DAND5: variants seen among roughly 807,000 people sequenced by gnomAD.
DAND5 encodes DAN domain family member 5.
A neutral mutation model predicts 9.2 loss-of-function variants in DAND5; 8 were observed. The observed-to-expected ratio is 0.87, with a 90% CI of 0.51 to 1.56. The LOEUF is 1.56. Among genes scored for constraint, DAND5 ranks in the 40% most tolerant of loss-of-function variants. The pLI is 0.00. For synonymous variants in DAND5, 95 were observed against 101.1 expected, an observed-to-expected ratio of 0.94 and a Z score of 0.36; for missense variants, 244 against 244.7, an observed-to-expected ratio of 1.00 and a Z score of 0.02.
At chr19:12,972,903 C>G (rs2011152387) in intron 1 of DAND5, among the ~76,000 whole-genome samples, 2 of 144,724 alleles carry the variant, frequency 1.4e-5, no homozygotes, top group Admixed American at 1.4e-4. Flanking sequence ...TCGCTCTGTC[C>G]CCAGGCTGGA....
intron 1 of DAND5, 104 bp downstream of exon 1, chr19:12,970,088 C>G: frequency 7.4e-7 from 1 of 1,356,892 alleles, no homozygotes; most frequent in Non-Finnish European, 1.0e-6. Context: ...TATCCTCCAC[C>G]TGAATGTCTC....
Position 12,970,459 on chromosome 19 carries a change from G to A in DAND5, c.324+475G>A, listed in dbSNP as rs145670582. 4.1e-4 allele frequency: 289 copies of A among 701,786 alleles called. 1 individual carries two copies. The African/African-American group carries it at 4.4e-3, about 11-fold the overall frequency. The allele number at this position is 701,786 out of a possible 1,614,324, so 43.5% of individuals were successfully genotyped here. Reference sequence around the variant, plus strand: ...TCTTTCTGTTTTTTTAGACACGGGAGTCTCGCTATGTTGCCCAAGCTAGTC... The same window carrying A: ...TCTTTCTGTTTTTTTAGACACGGGAATCTCGCTATGTTGCCCAAGCTAGTC... On this transcript the variant is annotated intron_variant, in intron 1 of 1. Transcript: ENST00000317060.
At chr19:12,971,239 T>A (rs2011144217) in intron 1 of DAND5, among the ~76,000 whole-genome samples, 1 of 152,128 alleles carries the variant, frequency 6.6e-6, no homozygotes, top group African/African-American at 2.4e-5. Flanking sequence ...CATCATATCC[T>A]GCTTGGCTTT....
chr19:12,972,995 T>G (rs1470963057), intron 1 of DAND5, among the ~76,000 whole-genome samples: 2 of 151,260 alleles, frequency 1.3e-5, no homozygotes, highest in Admixed American at 6.6e-5. Context: ...CCCGAGTAGC[T>G]GGGACTACAG....
chr19:12,970,032 A>G, intron 1 of DAND5, 48 bp downstream of exon 1: 1 of 1,602,806 alleles, frequency 6.2e-7, no homozygotes, highest in African/African-American at 1.3e-5. Flanking sequence ...CACCATTGGC[A>G]GAAGGCACAG....
chr19:12,972,861 C>CT (rs1212086930), intron 1 of DAND5, among the ~76,000 whole-genome samples: 35,977 of 104,844 alleles, frequency 0.34, 7,229 homozygotes, highest in East Asian at 0.6. Context: ...AATTTCTTTT[C>CT]TTTTTTTTTT....
In DAND5 at chr19:12,973,078, G is replaced by A. The variant is rs559634781; in HGVS notation, c.325-311G>A. ...GGGGTTTCACCGTGTTGGCCAGGAT[G>A]GTCTCGATCTGCTGACCTCGTGATC... On this transcript the variant is annotated intron_variant, in intron 1 of 1. Transcript: ENST00000317060. Among the ~76,000 whole-genome samples the A allele has an allele frequency of 3.3e-4, 50 of 151,244 alleles. 2 individuals carry two copies. Among genetic ancestry groups the A allele is most frequent in the East Asian group, 2.0e-3 (10 of 5,082 alleles).
chr19:12,969,664 C>T lies in DAND5; in HGVS notation c.4C>T (p.Leu2Phe), dbSNP rs1236631888. The stretch of plus-strand genomic sequence containing the variant: ...AGACAGACGCACGGACAAGCAGATG[C>T]TCCTTGGCCAGCTATCCACTCTTCT... The part of the protein sequence containing the change: M[L>F]LGQLSTLLCL... The change falls in exon 1 of 2, where the codon CTC (leucine) becomes TTC (phenylalanine). Residue 2 changes from leucine (L) to phenylalanine (F), a missense_variant. Leu to Phe is a conservative substitution (Grantham distance 22, BLOSUM62 0). Transcript: ENST00000317060. 6.2e-7 allele frequency: 1 copy of T among 1,601,460 alleles called. No homozygotes were observed. The highest frequency in any genetic ancestry group is 1.3e-5 in the African/African-American group (1 of 74,532).
chr19:12,970,508 C>T, intron 1 of DAND5: 1 of 699,734 alleles, frequency 1.4e-6, no homozygotes, highest in Non-Finnish European at 2.6e-6. Context: ...CTCAAGCAAT[C>T]CTCCCACCTC....
At chr19:12,971,947 G>A (rs377717661) in intron 1 of DAND5, among the ~76,000 whole-genome samples, 3 of 152,008 alleles carry the variant, frequency 2.0e-5, no homozygotes, top group African/African-American at 7.2e-5. Context: ...CTGGAGTACA[G>A]TGGTGCGATC....
intron 1 of DAND5, 96 bp from the exon 2 acceptor site, chr19:12,973,293 G>A (rs1050692682): frequency 3.9e-6 from 6 of 1,521,982 alleles, no homozygotes; most frequent in Non-Finnish European, 5.3e-6. Context: ...CAGCATCCAT[G>A]CCTGTCAAGG....
Position 12,973,720 on chromosome 19 carries a change from T to C in DAND5, c.*86T>C. 6.4e-7 allele frequency: 1 copy of C among 1,551,344 alleles called. No individual in the cohort carries two copies. Among genetic ancestry groups the C allele is most frequent in the African/African-American group, 1.3e-5 (1 of 74,202 alleles). On this transcript the variant is annotated 3_prime_UTR_variant, in exon 2 of 2. Transcript: ENST00000317060. ...CCAAGAAAGACGTGGACCTGGATGA[T>C]GTACTCTGGGTCAAGAGACCAGGGA...
chr19:12,971,644 T>TA (rs1197670163), intron 1 of DAND5, among the ~76,000 whole-genome samples: 1 of 149,388 alleles, frequency 6.7e-6, no homozygotes, highest in Non-Finnish European at 1.5e-5. Flanking sequence ...TAGGCTGGAG[T>TA]ACAGTGGTGC....
chr19:12,973,366 C>T lies in DAND5; in HGVS notation c.325-23C>T, dbSNP rs73507303. The T allele has an allele frequency of 5.5e-3, 8,927 of 1,610,920 alleles. 409 individuals are homozygous for T. In the African/African-American group the frequency reaches 0.1, roughly 19 times the overall value. ...TGGCCCCAAACTCCGCCACCCTGAC[C>T]GTCTCCATGCCTCCGGCCCCAGGTG... On this transcript the variant is annotated intron_variant, in intron 1 of 1. Transcript: ENST00000317060.
At chr19:12,971,898 G>GT (rs2011147188) in intron 1 of DAND5, among the ~76,000 whole-genome samples, 1 of 150,980 alleles carries the variant, frequency 6.6e-6, no homozygotes, top group African/African-American at 2.4e-5. Context: ...GCCTTTTCAT[G>GT]TTTTTTGTTA....
In DAND5 at chr19:12,973,804, C is replaced by A. The variant is rs566103594; in HGVS notation, c.*170C>A. On this transcript the variant is annotated 3_prime_UTR_variant, in exon 2 of 2. Transcript: ENST00000317060. ...CACCCTGCTCCCCAGACAGTAGACACAGTGCCCGTCCTGGAGTTGCACCAC... is the reference window on the plus strand; with the variant it reads ...CACCCTGCTCCCCAGACAGTAGACAAAGTGCCCGTCCTGGAGTTGCACCAC... 1.7e-4 allele frequency: 155 copies of A among 895,168 alleles called. No homozygotes were observed. Among genetic ancestry groups the A allele is most frequent in the Middle Eastern group, 7.0e-4 (2 of 2,848 alleles). The allele number at this position is 895,168 out of a possible 1,614,324, so 55.5% of individuals were successfully genotyped here.
Position 12,973,696 on chromosome 19 carries a change from C to T in DAND5, c.*62C>T. The T allele has an allele frequency of 1.9e-6, 3 of 1,572,858 alleles. No homozygotes were observed. The highest frequency in any genetic ancestry group is 2.6e-6 in the Non-Finnish European group (3 of 1,159,496). On this transcript the variant is annotated 3_prime_UTR_variant, in exon 2 of 2. Coordinates refer to ENST00000317060, the MANE Select transcript of DAND5 (RefSeq NM_152654.3). ...CTTGGAGAAATGAGGGGAGATGGAC[C>T]AAGAAAGACGTGGACCTGGATGATG...
intron 1 of DAND5, among the ~76,000 whole-genome samples, chr19:12,972,867 T>TC (rs1470628086): frequency 3.4e-5 from 5 of 145,398 alleles, no homozygotes; most frequent in Non-Finnish European, 7.6e-5. Context: ...TTTTCTTTTT[T>TC]TTTTTTTTTT....
intron 1 of DAND5, chr19:12,970,338 C>T (rs932480893): frequency 7.8e-6 from 5 of 645,048 alleles, no homozygotes; most frequent in Admixed American, 6.9e-5. Context: ...TCTGTACTCT[C>T]TGATCCTGTT....
Sources: allele counts gnomAD v4.1 joint callset (sites outside exome capture counted in the v4.1 genomes callset), GRCh38; gene constraint gnomAD v4.1.1; transcripts MANE v1.5; gene names NCBI Gene and HGNC (gene_info 2026-07-23, HGNC 2026-07-21).